The following CNDP1 variants were observed in gnomAD, a reference collection of about 807,000 sequenced individuals.
The protein encoded by CNDP1 is carnosine dipeptidase 1, also known as beta-Ala-His dipeptidase.
CNDP1 carries 44 observed loss-of-function variants against 58.1 expected under a neutral mutation model. That is an observed-to-expected ratio of 0.76 (90% confidence interval 0.60 to 0.97). The LOEUF (loss-of-function observed/expected upper bound fraction) is 0.97. Among genes scored for constraint, CNDP1 ranks in the 50% least tolerant of loss-of-function variants. The probability of loss-of-function intolerance (pLI) is 0.00; values close to 1 mark genes in which losing one functional copy is unlikely to be tolerated. For missense variants in CNDP1, 616 were observed against 655.1 expected, an observed-to-expected ratio of 0.94 and a Z score of 0.65; for synonymous variants, 254 against 252.6, an observed-to-expected ratio of 1.01 and a Z score of -0.05.
chr18:74,580,174 C>T lies in CNDP1; in HGVS notation c.1212C>T (p.Ser404=). ...LEDVFSKRNS[S]NKMVVSMTLG... ...ATGTGTTCTCCAAAAGAAATAGTTC[C>T]AACAAGATGGTTGTTTCCATGACTC... Residue 404 remains serine (S), a synonymous_variant, in exon 10 of 12, where the codon TCC becomes TCT. Coordinates refer to ENST00000358821, the MANE Select transcript of CNDP1 (RefSeq NM_032649.6). 6.2e-7 allele frequency: 1 copy of T among 1,613,860 alleles called. No individual in the cohort carries two copies. The highest frequency in any genetic ancestry group is 8.5e-7 in the Non-Finnish European group (1 of 1,179,804).
At chr18:74,560,561 C>A (rs558363242) in intron 3 of CNDP1, among the ~76,000 whole-genome samples, 1 of 151,908 alleles carries the variant, frequency 6.6e-6, no homozygotes, top group Admixed American at 6.6e-5. Flanking sequence ...AAAAGGTAGC[C>A]GGACATGGTG....
At chr18:74,580,107 T>C in intron 9 of CNDP1, 23 bp from the exon 10 acceptor site, 1 of 1,603,318 alleles carries the variant, frequency 6.2e-7, no homozygotes, top group Non-Finnish European at 8.5e-7. Context: ...CTTTCTCTTA[T>C]CATTGAAAAT....
rs1284783874 is a variant in CNDP1 at position 74,560,982 on chromosome 18, T to C, written c.430T>C (p.Trp144Arg). The C allele has an allele frequency of 6.2e-7, 1 of 1,613,876 alleles. No homozygotes were observed. Among genetic ancestry groups the C allele is most frequent in the African/African-American group, 1.3e-5 (1 of 74,890 alleles). Residue 144 changes from tryptophan (W) to arginine (R), a missense_variant, in exon 4 of 12, where the codon TGG becomes CGG. Coordinates refer to ENST00000358821, the MANE Select transcript of CNDP1 (RefSeq NM_032649.6). ...GCAGCCTGCTGACCGGGGCGATGGG[T>C]GGCTCACGGACCCCTATGTGCTGAC... ...DVQPADRGDG[W>R]LTDPYVLTEV...
intron 3 of CNDP1, 58 bp downstream of exon 3, chr18:74,559,530 T>G: frequency 6.6e-7 from 1 of 1,524,556 alleles, no homozygotes; most frequent in Non-Finnish European, 8.8e-7. Context: ...CAGTCATGCC[T>G]TCCCGGGGGT....
At chr18:74,539,740 C>G (rs530530646) in intron 1 of CNDP1, among the ~76,000 whole-genome samples, 2 of 152,306 alleles carry the variant, frequency 1.3e-5, no homozygotes, top group African/African-American at 4.8e-5. Flanking sequence ...TAACCCTGCT[C>G]TCTCGTTTTA....
intron 5 of CNDP1, chr18:74,567,017 C>A: frequency 1.8e-6 from 1 of 555,892 alleles, no homozygotes; most frequent in Admixed American, 3.1e-5. Context: ...GCGGAAGAAG[C>A]AAACCCCTGA....
intron 7 of CNDP1, among the ~76,000 whole-genome samples, chr18:74,572,375 C>T (rs1041420476): frequency 2.6e-5 from 4 of 152,136 alleles, no homozygotes; most frequent in Non-Finnish European, 4.4e-5. Context: ...AAGGGACACT[C>T]ATCATTTTAT....
chr18:74,579,553 A>T (rs1981735028), intron 9 of CNDP1, among the ~76,000 whole-genome samples: 1 of 152,038 alleles, frequency 6.6e-6, no homozygotes, highest in Non-Finnish European at 1.5e-5. Context: ...GAAGTAATTA[A>T]TGGAAGAAAT....
chr18:74,583,644 G>A lies in CNDP1; in HGVS notation c.1393G>A (p.Val465Met), dbSNP rs144076983. 54 of 1,614,158 alleles carry A rather than the reference G, an allele frequency of 3.3e-5. No homozygotes were observed. The highest frequency in any genetic ancestry group is 1.9e-4 in the African/African-American group (14 of 75,052). Reference protein sequence around the residue: ...KMFQEIVHKSVVLIPLGAVDD... With the variant: ...KMFQEIVHKSMVLIPLGAVDD... ...GTTCCAGGAGATCGTCCACAAGAGC[G>A]TGGTGCTAATTCCGCTGGGAGCTGT... The change falls in exon 11 of 12, where the codon GTG becomes ATG. Residue 465 changes from valine (V) to methionine (M), a missense_variant. By Grantham distance (21) the Val-to-Met change is conservative (BLOSUM62 1). Coordinates refer to ENST00000358821, the MANE Select transcript of CNDP1 (RefSeq NM_032649.6).
intron 3 of CNDP1, among the ~76,000 whole-genome samples, chr18:74,560,641 G>A (rs1568295962): frequency 6.6e-6 from 1 of 152,004 alleles, no homozygotes; most frequent in Non-Finnish European, 1.5e-5. Flanking sequence ...CTGGGAGTGT[G>A]CCACTGCGCT....
At chr18:74,535,878 T>A (rs1980474774) in intron 1 of CNDP1, among the ~76,000 whole-genome samples, 1 of 151,880 alleles carries the variant, frequency 6.6e-6, no homozygotes, top group South Asian at 2.1e-4. Flanking sequence ...CAAACAATTT[T>A]AAAAGTAGCC....
chr18:74,559,206 G>A (rs1267309966), intron 2 of CNDP1, 117 bp from the exon 3 acceptor site: 1 of 943,458 alleles, frequency 1.1e-6, no homozygotes, highest in Non-Finnish European at 1.7e-6. Context: ...TAGGTCCTCA[G>A]GTCCTTGATC....
Position 74,585,584 on chromosome 18 carries a change from C to G in CNDP1, c.*1022C>G, listed in dbSNP as rs1382227305. 1 of 152,002 alleles carries G rather than the reference C, an allele frequency of 6.6e-6. No homozygotes were observed. The highest frequency in any genetic ancestry group is 2.1e-4 in the South Asian group (1 of 4,818). The allele number at this position is 152,002 out of a possible 1,614,324, so 9.4% of individuals were successfully genotyped here. On this transcript the variant is annotated 3_prime_UTR_variant, in exon 12 of 12. Coordinates refer to ENST00000358821, the MANE Select transcript of CNDP1 (RefSeq NM_032649.6). ...ACAACAAAAAAAGACAGTCATTTTT[C>G]TACAGTTGAGTGTATATAAACAAAA...
rs1057206100 is a variant in CNDP1, at chr18:74,545,978, C to T, written c.25-10360C>T. ...CCCATTGGAAACACGCTTTTGCCTCCGAGGAACTCAAAGCCCAGCCTTGTC... is the reference window on the plus strand; with the variant it reads ...CCCATTGGAAACACGCTTTTGCCTCTGAGGAACTCAAAGCCCAGCCTTGTC... On this transcript the variant is annotated intron_variant, in intron 1 of 11. Transcript: ENST00000358821. The surrounding 1 kb of genome is among the most constrained non-coding windows in gnomAD (Gnocchi z 4.1). Among the ~76,000 whole-genome samples, 3 of 152,130 alleles carry T rather than the reference C, an allele frequency of 2.0e-5. No individual in the cohort carries two copies. The highest frequency in any genetic ancestry group is 4.8e-5 in the African/African-American group (2 of 41,420).
intron 9 of CNDP1, 123 bp downstream of exon 9, chr18:74,578,450 G>A (rs1055716980): frequency 1.0e-6 from 1 of 983,528 alleles, no homozygotes; most frequent in Non-Finnish European, 1.5e-6. Flanking sequence ...CAACACAAGA[G>A]GAGTGGAACA....
chr18:74,575,275 G>A (rs1022340440), intron 7 of CNDP1, among the ~76,000 whole-genome samples: 13 of 152,218 alleles, frequency 8.5e-5, no homozygotes, highest in Admixed American at 2.6e-4. Context: ...AAATGATGCC[G>A]AGAACAGAGG....
chr18:74,567,179 C>T (rs1441095355), intron 5 of CNDP1, 54 bp from the exon 6 acceptor site: 10 of 1,432,998 alleles, frequency 7.0e-6, no homozygotes, highest in African/African-American at 2.8e-5. Flanking sequence ...GGTGGGGACA[C>T]AGCCAAACCA....
In CNDP1 at chr18:74,556,676, G is replaced by C. The variant is rs972238473; in HGVS notation, c.153+210G>C. Among the ~76,000 whole-genome samples the C allele has an allele frequency of 2.2e-4, 33 of 152,300 alleles. 1 individual carries two copies. The highest frequency in any genetic ancestry group is 4.1e-4 in the Non-Finnish European group (28 of 68,028). On this transcript the variant is annotated intron_variant, in intron 2 of 11. Coordinates refer to ENST00000358821, the MANE Select transcript of CNDP1 (RefSeq NM_032649.6). ...AGCCATTCCTCCTGTAAAGGGCACTGGGTCTTCATATCCAGCACACTTGGT... is the reference window on the plus strand; with the variant it reads ...AGCCATTCCTCCTGTAAAGGGCACTCGGTCTTCATATCCAGCACACTTGGT...
chr18:74,582,471 A>G (rs1426027276), intron 10 of CNDP1, among the ~76,000 whole-genome samples: 2 of 152,256 alleles, frequency 1.3e-5, no homozygotes, highest in African/African-American at 4.8e-5. Context: ...TTTGAGCGAT[A>G]GTACAGCTAT....
Sources: allele counts gnomAD v4.1 joint callset (sites outside exome capture counted in the v4.1 genomes callset), GRCh38; gene constraint gnomAD v4.1.1; non-coding constraint Gnocchi (gnomAD v3.1); transcripts MANE v1.5; gene names NCBI Gene and HGNC (gene_info 2026-07-23, HGNC 2026-07-21).